The following DELE1 variants were observed in gnomAD, a reference collection of about 807,000 sequenced individuals.
The protein encoded by DELE1 is DAP3 binding cell death enhancer 1, also known as death ligand signal enhancer.
Under a neutral mutation model 59.3 loss-of-function variants are expected in DELE1, and 54 were observed. The observed-to-expected ratio is 0.91, with a 90% CI of 0.73 to 1.14. The LOEUF (loss-of-function observed/expected upper bound fraction) is 1.14, where lower values mean the gene tolerates loss of function less well. DELE1 is among the 50% of genes most tolerant of loss of function. The pLI is 0.00. For missense variants in DELE1, 636 were observed against 643.9 expected (o/e 0.99, Z 0.13); for synonymous variants, 264 against 259.1 (o/e 1.02, Z -0.18).
chr5:141,930,950 G>A (rs146444291), intron 7 of DELE1, among the ~76,000 whole-genome samples: 179 of 152,328 alleles, frequency 1.2e-3, no homozygotes, highest in African/African-American at 4.2e-3. Context: ...CCTTTTGCCA[G>A]TTCCTGTTTT....
At chr5:141,924,122 G>T in intron 1 of DELE1, 150 bp downstream of exon 1, 1 of 1,050,590 alleles carries the variant, frequency 9.5e-7, no homozygotes. Flanking sequence ...GTCAGGGGCT[G>T]CTGGAATTTG....
rs1219131858 is a variant in DELE1 at position 141,940,473 on chromosome 5, A to G, written c.*1714A>G. On this transcript the variant is annotated 3_prime_UTR_variant, in exon 12 of 12. Transcript: ENST00000432126. Reference sequence around the variant, plus strand: ...ACAATCCCATGACTGAGTGGAGACCAACCAGCCTGGCCAATTCAAAGGCAA... The same window carrying G: ...ACAATCCCATGACTGAGTGGAGACCGACCAGCCTGGCCAATTCAAAGGCAA... 1.0e-6 allele frequency: 1 copy of G among 985,166 alleles called. No individual in the cohort carries two copies. Among genetic ancestry groups the G allele is most frequent in the East Asian group, 1.1e-4 (1 of 8,802 alleles). The allele number at this position is 985,166 out of a possible 1,614,324, so 61.0% of individuals were successfully genotyped here.
intron 11 of DELE1, 55 bp downstream of exon 11, chr5:141,937,412 A>G: frequency 6.3e-7 from 1 of 1,584,406 alleles, no homozygotes. Context: ...GTACTCTGTG[A>G]CAGATAAGTA....
chr5:141,940,093 T>C lies in DELE1; in HGVS notation c.*1334T>C. ...AGAGTATAGATTTTGAGGTCCCCAT[T>C]TGGGAAACATGTGCCAGAAATGTCT... On this transcript the variant is annotated 3_prime_UTR_variant, in exon 12 of 12. Coordinates refer to ENST00000432126, the MANE Select transcript of DELE1 (RefSeq NM_014773.5). 1 of 985,340 alleles carries C rather than the reference T, an allele frequency of 1.0e-6. No individual in the cohort carries two copies. Among genetic ancestry groups the C allele is most frequent in the Non-Finnish European group, 1.2e-6 (1 of 829,914 alleles). 61.0% of individuals were successfully genotyped at this position (985,340 alleles called of 1,614,324 possible).
In DELE1 at chr5:141,939,910, TTA is replaced by T; in HGVS notation, c.*1153_*1154del. ...CAGTGATGCTCATGGTTGCATGACT[TTA>T]TGAGTCGCTGGGCCAGGGTGAGGAC... On this transcript the variant is annotated 3_prime_UTR_variant, in exon 12 of 12. Transcript: ENST00000432126. The T allele has an allele frequency of 1.4e-6, 1 of 736,156 alleles. No individual in the cohort carries two copies. 45.6% of individuals were successfully genotyped at this position (736,156 alleles called of 1,614,324 possible).
chr5:141,942,012 T>G lies in DELE1; in HGVS notation c.*3253T>G, dbSNP rs1596633939. ...GGTTTCCTGTGCTACTTCTGGCACT[T>G]AGTAATTATTCAATAAACACAAAAT... On this transcript the variant is annotated 3_prime_UTR_variant, in exon 12 of 12. Transcript: ENST00000432126. The G allele has an allele frequency of 1.0e-6, 1 of 985,398 alleles. No individual in the cohort carries two copies. The highest frequency in any genetic ancestry group is 1.2e-6 in the Non-Finnish European group (1 of 829,934). 61.0% of individuals were successfully genotyped at this position (985,398 alleles called of 1,614,324 possible). A position where few individuals can be genotyped will look rare whatever the true frequency, so the allele number is the denominator to read the frequency against.
chr5:141,939,799 A>G lies in DELE1; in HGVS notation c.*1040A>G, dbSNP rs1752629671. 2.8e-6 allele frequency: 2 copies of G among 707,626 alleles called. No homozygotes were observed. Among genetic ancestry groups the G allele is most frequent in the Non-Finnish European group, 3.5e-6 (2 of 576,524 alleles). 43.8% of individuals were successfully genotyped at this position (707,626 alleles called of 1,614,324 possible). A position where few individuals can be genotyped will look rare whatever the true frequency, so the allele number is the denominator to read the frequency against. On this transcript the variant is annotated 3_prime_UTR_variant, in exon 12 of 12. Coordinates refer to ENST00000432126, the MANE Select transcript of DELE1 (RefSeq NM_014773.5). ...TTTCCTCAGTTGTAGACCAAAGGCA[A>G]TGGTGTCTGCCCTCCTACCTTAGAA...
intron 10 of DELE1, among the ~76,000 whole-genome samples, chr5:141,936,582 ACAC>A (rs1178055788): frequency 4.6e-5 from 7 of 152,172 alleles, no homozygotes; most frequent in African/African-American, 1.7e-4. Context: ...TTACAGGTGC[ACAC>A]CACCACACCT....
At position 141,934,262 on chromosome 5, in the gene DELE1, C is replaced by G; in HGVS notation, c.920C>G (p.Ala307Gly). 1 of 1,611,320 alleles carries G rather than the reference C, an allele frequency of 6.2e-7. No individual in the cohort carries two copies. The highest frequency in any genetic ancestry group is 8.5e-7 in the Non-Finnish European group (1 of 1,178,106). Reference protein sequence around the residue: ...ISKAVLYYQLAASQGHSLAQY... With the variant: ...ISKAVLYYQLGASQGHSLAQY... ...CAGGCGGTCCTTTATTATCAGTTGG[C>G]TGCCAGCCAGGGCCACAGCCTGGCT... The change falls in exon 9 of 12, where the codon GCT (alanine) becomes GGT (glycine). Residue 307 changes from alanine (A) to glycine (G), a missense_variant. Coordinates refer to ENST00000432126, the MANE Select transcript of DELE1 (RefSeq NM_014773.5).
intron 10 of DELE1, among the ~76,000 whole-genome samples, chr5:141,936,497 C>T (rs1015559738): frequency 3.9e-5 from 6 of 152,074 alleles, no homozygotes; most frequent in East Asian, 1.9e-4. Context: ...TGCAGTGGCG[C>T]GATCTCAGCG....
Position 141,936,869 on chromosome 5 carries a change from C to T in DELE1, c.1150-329C>T, listed in dbSNP as rs752704383. The T allele has an allele frequency of 1.1e-4, 106 of 985,250 alleles. No individual in the cohort carries two copies. The African/African-American group carries it at 1.7e-3, about 15-fold the overall frequency. The allele number at this position is 985,250 out of a possible 1,614,324, so 61.0% of individuals were successfully genotyped here. ...GCTGTTTCAGGGCAACATAGGAGCC[C>T]GACTCCCAGGTTTGCTATAACTGGC... On this transcript the variant is annotated intron_variant, in intron 10 of 11. Transcript: ENST00000432126.
At position 141,941,843 on chromosome 5, in the gene DELE1, C is replaced by G. The variant is rs1489946035; in HGVS notation, c.*3084C>G. 1.0e-6 allele frequency: 1 copy of G among 985,250 alleles called. No individual in the cohort carries two copies. The highest frequency in any genetic ancestry group is 1.7e-5 in the African/African-American group (1 of 57,204). 61.0% of individuals were successfully genotyped at this position (985,250 alleles called of 1,614,324 possible). A position where few individuals can be genotyped will look rare whatever the true frequency, so the allele number is the denominator to read the frequency against. Reference sequence around the variant, plus strand: ...GTGATTATACTCAACTCCCCCCACCCAATGCCCAGCACCAAGCCTACCCAG... The same window carrying G: ...GTGATTATACTCAACTCCCCCCACCGAATGCCCAGCACCAAGCCTACCCAG... On this transcript the variant is annotated 3_prime_UTR_variant, in exon 12 of 12. Coordinates refer to ENST00000432126, the MANE Select transcript of DELE1 (RefSeq NM_014773.5).
Position 141,934,596 on chromosome 5 carries a change from C to A in DELE1, c.1149+10C>A. 1 of 1,611,976 alleles carries A rather than the reference C, an allele frequency of 6.2e-7. No individual in the cohort carries two copies. The highest frequency in any genetic ancestry group is 8.5e-7 in the Non-Finnish European group (1 of 1,178,028). ...TGCAGCCAACAATGGGGTATGCGAT[C>A]TCAGTGGACAAGCATGTTGGGGATG... On this transcript the variant is annotated intron_variant, in intron 10 of 11. Transcript: ENST00000432126.
Position 141,924,594 on chromosome 5 carries a change from A to G in DELE1, c.45A>G (p.Thr15=), listed in dbSNP as rs372635879. The G allele has an allele frequency of 6.2e-6, 10 of 1,612,466 alleles. No individual in the cohort carries two copies. The highest frequency in any genetic ancestry group is 7.6e-6 in the Non-Finnish European group (9 of 1,178,640). ...PGLLGRALPR[T]LGPSLWRVTP... ...TGTTCTGTACAGCTCTTCCCCGTAC[A>G]CTGGGACCTAGCCTCTGGAGGGTGA... The change falls in exon 2 of 12, where the codon ACA becomes ACG. Residue 15 remains threonine (T), a synonymous_variant. Coordinates refer to ENST00000432126, the MANE Select transcript of DELE1 (RefSeq NM_014773.5).
chr5:141,925,919 G>A (rs754424753), intron 3 of DELE1, among the ~76,000 whole-genome samples: 7 of 150,052 alleles, frequency 4.7e-5, no homozygotes, highest in Admixed American at 6.7e-5. Context: ...TTTCTCTGTC[G>A]CCCAGGCTGA....
intron 11 of DELE1, 78 bp downstream of exon 11, chr5:141,937,435 C>T: frequency 8.0e-6 from 12 of 1,506,492 alleles, no homozygotes; most frequent in Non-Finnish European, 1.1e-5. Flanking sequence ...TAGCAGTAGT[C>T]TCTGGTCTCC....
At chr5:141,924,061 C>T (rs1490885773) in intron 1 of DELE1, 89 bp downstream of exon 1, 3 of 1,524,152 alleles carry the variant, frequency 2.0e-6, no homozygotes, top group South Asian at 2.4e-5. Context: ...CCGAAGCGAT[C>T]GTGGGCCGGG....
Position 141,939,395 on chromosome 5 carries a change from C to G in DELE1, c.*636C>G. On this transcript the variant is annotated 3_prime_UTR_variant, in exon 12 of 12. Transcript: ENST00000432126. ...ATCACAGGGGTGGTTCCATGAATGGCTGACACTTAGGAAACTCTGAATTAG... is the reference window on the plus strand; with the variant it reads ...ATCACAGGGGTGGTTCCATGAATGGGTGACACTTAGGAAACTCTGAATTAG... 1 of 985,194 alleles carries G rather than the reference C, an allele frequency of 1.0e-6. No individual in the cohort carries two copies. Among genetic ancestry groups the G allele is most frequent in the Non-Finnish European group, 1.2e-6 (1 of 829,358 alleles). 61.0% of individuals were successfully genotyped at this position (985,194 alleles called of 1,614,324 possible).
Position 141,939,492 on chromosome 5 carries a change from C to T in DELE1, c.*733C>T, listed in dbSNP as rs1347022822. The T allele has an allele frequency of 1.0e-6, 1 of 985,692 alleles. No homozygotes were observed. The highest frequency in any genetic ancestry group is 1.2e-6 in the Non-Finnish European group (1 of 829,938). 61.1% of individuals were successfully genotyped at this position (985,692 alleles called of 1,614,324 possible). A position where few individuals can be genotyped will look rare whatever the true frequency, so the allele number is the denominator to read the frequency against. On this transcript the variant is annotated 3_prime_UTR_variant, in exon 12 of 12. Coordinates refer to ENST00000432126, the MANE Select transcript of DELE1 (RefSeq NM_014773.5). Reference sequence around the variant, plus strand: ...GGGCTCATAATCGTTTTCATTTCACCTTTGATTTGGAAGGAAGAAGTTTCT... The same window carrying T: ...GGGCTCATAATCGTTTTCATTTCACTTTTGATTTGGAAGGAAGAAGTTTCT...
Sources: gnomAD v4.1 joint callset for allele counts (sites outside exome capture counted in the v4.1 genomes callset) on GRCh38, gnomAD v4.1.1 for gene constraint, MANE v1.5 for transcripts, NCBI Gene and HGNC (gene_info 2026-07-23, HGNC 2026-07-21) for gene names.